The following PARD3 variants were observed in gnomAD, a reference collection of about 807,000 sequenced individuals.
PARD3 encodes the protein par-3 family cell polarity regulator.
Under a neutral mutation model 155.4 loss-of-function variants are expected in PARD3, and 75 were observed. The observed-to-expected ratio is 0.48, with a 90% CI of 0.40 to 0.58. The LOEUF (loss-of-function observed/expected upper bound fraction) is 0.58, where lower values mean the gene tolerates loss of function less well. Ranked by LOEUF, PARD3 falls within the 20% of genes least tolerant of loss-of-function variation. PARD3 has a pLI of 0.00. For synonymous variants in PARD3, 576 were observed against 610.5 expected (o/e 0.94, Z 0.83); for missense variants, 1,642 against 1,721.7 (o/e 0.95, Z 0.82).
At chr10:34,429,598 T>C (rs1256791692) in intron 5 of PARD3, among the ~76,000 whole-genome samples, 1 of 145,436 alleles carries the variant, frequency 6.9e-6, no homozygotes, top group African/African-American at 2.7e-5. Flanking sequence ...TGTTTTGTTT[T>C]GTTTTAAAAC....
intron 1 of PARD3, among the ~76,000 whole-genome samples, chr10:34,781,915 G>A (rs11009930): frequency 0.037 from 5,580 of 152,198 alleles, 348 homozygotes; most frequent in African/African-American, 0.13. Flanking sequence ...GTTCTTGAAC[G>A]TTTTAGACAA....
chr10:34,294,266 A>T (rs1225558567), intron 20 of PARD3, among the ~76,000 whole-genome samples: 12 of 152,242 alleles, frequency 7.9e-5, no homozygotes, highest in Admixed American at 7.9e-4. Flanking sequence ...ATTGTGATTC[A>T]AATTCTATGT....
chr10:34,756,302 C>A (rs950553151), intron 1 of PARD3, among the ~76,000 whole-genome samples: 4 of 150,984 alleles, frequency 2.6e-5, no homozygotes, highest in Non-Finnish European at 5.9e-5. Flanking sequence ...TACAGGCACC[C>A]GCCACCACAC....
intron 21 of PARD3, among the ~76,000 whole-genome samples, chr10:34,276,832 A>G (rs1955906703): frequency 6.6e-6 from 1 of 152,192 alleles, no homozygotes; most frequent in South Asian, 2.1e-4. Context: ...ATGCTGCAAC[A>G]CATCTCTTTT....
chr10:34,503,585 T>C (rs2080855866), intron 3 of PARD3, among the ~76,000 whole-genome samples: 1 of 152,154 alleles, frequency 6.6e-6, no homozygotes, highest in Admixed American at 6.6e-5. Flanking sequence ...ACTACCAAAG[T>C]ACTACTAAAA....
chr10:34,522,984 T>C (rs1291751526), intron 2 of PARD3, among the ~76,000 whole-genome samples: 2 of 152,246 alleles, frequency 1.3e-5, no homozygotes, highest in Non-Finnish European at 2.9e-5. Flanking sequence ...TGCAGACCTC[T>C]GAATAGGATT....
At position 34,337,255 on chromosome 10, in the gene PARD3, T is replaced by C. The variant is rs767033009; in HGVS notation, c.2560+20A>G. 4.0e-6 allele frequency: 6 copies of C among 1,481,704 alleles called. No homozygotes were observed. The highest frequency in any genetic ancestry group is 1.4e-5 in the African/African-American group (1 of 69,582). 91.8% of individuals were successfully genotyped at this position (1,481,704 alleles called of 1,614,324 possible). On this transcript the variant is annotated intron_variant, in intron 17 of 24. Transcript: ENST00000374788. ...CATTTAAAACTTATTTAGATAAAGA[T>C]TCATGGAGATTGTACTCACTACCTA...
At chr10:34,778,819 G>A (rs950139648) in intron 1 of PARD3, among the ~76,000 whole-genome samples, 4 of 152,186 alleles carry the variant, frequency 2.6e-5, no homozygotes, top group African/African-American at 9.7e-5. Flanking sequence ...TACCTGGTAT[G>A]ATTAAATAAA....
At chr10:34,371,530 A>AAAAAAAAAAAAAC (rs1840651864) in intron 12 of PARD3, among the ~76,000 whole-genome samples, 1 of 67,238 alleles carries the variant, frequency 1.5e-5, no homozygotes. Flanking sequence ...AAAAAAAAAA[A>AAAAAAAAAAAAAC]AACAACGAAG....
In PARD3 at chr10:34,634,638, A is replaced by G. The variant is rs187857402; in HGVS notation, c.222+61680T>C. The stretch of plus-strand genomic sequence containing the variant: ...GGAAAGAAACAAAAACAGGGCAAAA[A>G]ATGCTCTTACATGCACAAAGAAACA... On this transcript the variant is annotated intron_variant, in intron 2 of 24. Coordinates refer to ENST00000374788, the MANE Select transcript of PARD3 (RefSeq NM_001184785.2). 4.6e-5 allele frequency among the ~76,000 whole-genome samples: 7 copies of G among 152,032 alleles called. No homozygotes were observed. In the East Asian group the frequency reaches 1.2e-3, roughly 25 times the overall value.
At chr10:34,349,781 G>A (rs1837843093) in intron 14 of PARD3, among the ~76,000 whole-genome samples, 1 of 152,016 alleles carries the variant, frequency 6.6e-6, no homozygotes, top group Non-Finnish European at 1.5e-5. Flanking sequence ...AAGGTTGCCT[G>A]AAAAATGTAT....
chr10:34,253,076 T>A (rs1159743473), intron 22 of PARD3, among the ~76,000 whole-genome samples: 1 of 152,188 alleles, frequency 6.6e-6, no homozygotes, highest in Non-Finnish European at 1.5e-5. Context: ...GTGCTGGTCT[T>A]TACAAGAAAC....
At chr10:34,415,520 A>T (rs1363077144) in intron 5 of PARD3, among the ~76,000 whole-genome samples, 1 of 152,246 alleles carries the variant, frequency 6.6e-6, no homozygotes, top group East Asian at 1.9e-4. Flanking sequence ...ACATGTTTAA[A>T]TGTTACTTGA....
chr10:34,347,706 T>C (rs1837576441), intron 15 of PARD3, among the ~76,000 whole-genome samples: 1 of 152,228 alleles, frequency 6.6e-6, no homozygotes, highest in Non-Finnish European at 1.5e-5. Context: ...AACATTTCCA[T>C]ATGATCCCTT....
chr10:34,385,887 G>T (rs1263175931), intron 7 of PARD3, among the ~76,000 whole-genome samples: 2 of 152,198 alleles, frequency 1.3e-5, no homozygotes, highest in Admixed American at 6.5e-5. Context: ...ATGAAGGCAT[G>T]ATTGAGGTTA....
intron 2 of PARD3, among the ~76,000 whole-genome samples, chr10:34,621,496 T>TA (rs1716630319): frequency 6.6e-6 from 1 of 152,154 alleles, no homozygotes; most frequent in Non-Finnish European, 1.5e-5. Context: ...GCGCCCGGCC[T>TA]AGTTTCCAAC....
At chr10:34,555,044 G>A (rs1178997305) in intron 2 of PARD3, among the ~76,000 whole-genome samples, 1 of 152,148 alleles carries the variant, frequency 6.6e-6, no homozygotes, top group Admixed American at 6.5e-5. Context: ...CTGTAATGGG[G>A]TCATTATAAA....
intron 2 of PARD3, among the ~76,000 whole-genome samples, chr10:34,639,855 G>GAC (rs139829298): frequency 0.022 from 3,318 of 150,296 alleles, 97 homozygotes; most frequent in African/African-American, 0.069. Context: ...AACAGAGTAA[G>GAC]ACACACACAC....
At chr10:34,597,116 T>C (rs2089343502) in intron 2 of PARD3, among the ~76,000 whole-genome samples, 1 of 152,058 alleles carries the variant, frequency 6.6e-6, no homozygotes, top group African/African-American at 2.4e-5. Context: ...TGAAAGGCAT[T>C]AGCAAGAATA....
Sources: allele counts gnomAD v4.1 joint callset (sites outside exome capture counted in the v4.1 genomes callset), GRCh38; gene constraint gnomAD v4.1.1; transcripts MANE v1.5; gene names NCBI Gene and HGNC (gene_info 2026-07-23, HGNC 2026-07-21).